Variants in HECTD2 observed in about 807,000 individuals in gnomAD.
The protein encoded by HECTD2 is probable E3 ubiquitin-protein ligase HECTD2.
HECTD2 carries 35 observed loss-of-function variants against 103.2 expected under a neutral mutation model. The observed-to-expected ratio is 0.34, with a 90% CI of 0.26 to 0.45. The LOEUF (loss-of-function observed/expected upper bound fraction) is 0.45. HECTD2 is among the 20% of genes least tolerant of loss of function. The pLI is 1.00. For synonymous variants in HECTD2, 281 were observed against 329.9 expected, an observed-to-expected ratio of 0.85 and a Z score of 1.61; for missense variants, 596 against 937.4, an observed-to-expected ratio of 0.64 and a Z score of 4.76.
chr10:91,421,973 CTAT>C (rs1843377142), intron 1 of HECTD2, among the ~76,000 whole-genome samples: 1 of 152,122 alleles, frequency 6.6e-6, no homozygotes, highest in African/African-American at 2.4e-5. Context: ...TCTTCATTCC[CTAT>C]TATTACTATC....
chr10:91,493,434 C>T lies in HECTD2; in HGVS notation c.1447C>T (p.His483Tyr). The T allele has an allele frequency of 1.3e-6, 2 of 1,530,064 alleles. No homozygotes were observed. The highest frequency in any genetic ancestry group is 1.8e-6 in the Non-Finnish European group (2 of 1,140,066). 94.8% of individuals were successfully genotyped at this position (1,530,064 alleles called of 1,614,324 possible). Residue 483 changes from histidine to tyrosine, a missense_variant, in exon 14 of 21, where the codon CAC becomes TAC. His to Tyr is a moderately conservative substitution (Grantham distance 83). This residue lies in a region of HECTD2 where 303 missense variants were observed against 522.5 expected (regional missense o/e 0.58). Coordinates refer to ENST00000298068, the MANE Select transcript of HECTD2 (RefSeq NM_182765.6). ...TGTTTTTTTAGGCATGTTTACATAT[C>T]ACAAGGATTCACACTGCCATTGGTT... ...FHPDYGMFTY[H>Y]KDSHCHWFSS...
At chr10:91,427,873 T>C (rs908623877) in intron 2 of HECTD2, among the ~76,000 whole-genome samples, 5 of 151,918 alleles carry the variant, frequency 3.3e-5, no homozygotes, top group African/African-American at 4.8e-5. Flanking sequence ...AGAAGCTCTT[T>C]AGTTTAATTA....
In HECTD2 at chr10:91,428,160, C is replaced by T. The variant is rs1372240996; in HGVS notation, c.268+2750C>T. Among the ~76,000 whole-genome samples, 4 of 151,414 alleles carry T rather than the reference C, an allele frequency of 2.6e-5. No homozygotes were observed. In the East Asian group the frequency reaches 5.8e-4, roughly 22 times the overall value. ...TCCTTTCCCCATTGCTTGTTTTTCTCAGGTTTGTCAAAGATCAGATAGTTG... is the reference window on the plus strand; with the variant it reads ...TCCTTTCCCCATTGCTTGTTTTTCTTAGGTTTGTCAAAGATCAGATAGTTG... On this transcript the variant is annotated intron_variant, in intron 2 of 20. Transcript: ENST00000298068.
intron 12 of HECTD2, among the ~76,000 whole-genome samples, chr10:91,491,681 A>G (rs1418643155): frequency 6.6e-6 from 1 of 152,172 alleles, no homozygotes; most frequent in Non-Finnish European, 1.5e-5. Context: ...CTCAGACTAC[A>G]CATCTATAAA....
At chr10:91,427,491 A>T (rs1163244269) in intron 2 of HECTD2, among the ~76,000 whole-genome samples, 3 of 152,014 alleles carry the variant, frequency 2.0e-5, no homozygotes, top group Non-Finnish European at 4.4e-5. Flanking sequence ...TTCCTGTCTC[A>T]CCACATCCTC....
At chr10:91,510,500 G>C (rs1463601484) in intron 20 of HECTD2, among the ~76,000 whole-genome samples, 1 of 152,084 alleles carries the variant, frequency 6.6e-6, no homozygotes, top group African/African-American at 2.4e-5. Context: ...GTAGAATATT[G>C]ATATTGTTTT....
chr10:91,415,231 T>TAC (rs60649813), intron 1 of HECTD2, among the ~76,000 whole-genome samples: 1 of 151,316 alleles, frequency 6.6e-6, no homozygotes, highest in Non-Finnish European at 1.5e-5. Flanking sequence ...TGTGTGTGTG[T>TAC]ACTTAACAAC....
chr10:91,484,346 G>A lies in HECTD2; in HGVS notation c.822-161G>A, dbSNP rs1455275222. On this transcript the variant is annotated intron_variant, in intron 8 of 20. Coordinates refer to ENST00000298068, the MANE Select transcript of HECTD2 (RefSeq NM_182765.6). ...TCATTTAACGAAGACAGTATTCAAG[G>A]TAAGATTTTGTATCTTTTCAAATGT... 2.1e-6 allele frequency: 3 copies of A among 1,396,936 alleles called. 1 individual carries two copies. The highest frequency in any genetic ancestry group is 1.8e-4 in the Middle Eastern group (1 of 5,654). 86.5% of individuals were successfully genotyped at this position (1,396,936 alleles called of 1,614,324 possible). A position where few individuals can be genotyped will look rare whatever the true frequency, so the allele number is the denominator to read the frequency against.
At chr10:91,467,910 G>C (rs1845588012) in intron 5 of HECTD2, among the ~76,000 whole-genome samples, 1 of 149,908 alleles carries the variant, frequency 6.7e-6, no homozygotes, top group Non-Finnish European at 1.5e-5. Flanking sequence ...CACTGTTGGT[G>C]CAAATGCATG....
At chr10:91,477,036 C>A (rs1383688394) in intron 5 of HECTD2, among the ~76,000 whole-genome samples, 1 of 152,046 alleles carries the variant, frequency 6.6e-6, no homozygotes, top group Admixed American at 6.5e-5. Context: ...AAAAAATTAG[C>A]CGGGCGCGGT....
At chr10:91,469,054 CAAAAAT>C (rs1193212807) in intron 5 of HECTD2, among the ~76,000 whole-genome samples, 1 of 150,812 alleles carries the variant, frequency 6.6e-6, no homozygotes, top group African/African-American at 2.4e-5. Context: ...CTCAGTCAGA[CAAAAAT>C]AAAAAATAAA....
intron 20 of HECTD2, among the ~76,000 whole-genome samples, chr10:91,505,759 C>G (rs1324884898): frequency 1.4e-5 from 2 of 145,748 alleles, no homozygotes. Context: ...AACTCAGCTC[C>G]ACACCAAGCA....
At chr10:91,413,030 G>T (rs1425411435) in intron 1 of HECTD2, among the ~76,000 whole-genome samples, 1 of 152,022 alleles carries the variant, frequency 6.6e-6, no homozygotes, top group Non-Finnish European at 1.5e-5. Flanking sequence ...TCCAGTGATT[G>T]TTCCTTTTTG....
At chr10:91,462,619 T>C in intron 5 of HECTD2, 2 of 1,031,226 alleles carry the variant, frequency 1.9e-6, no homozygotes, top group Non-Finnish European at 2.3e-6. Context: ...CCAGGATATG[T>C]TGATTTATGA....
At chr10:91,450,418 A>C (rs1844758199) in intron 2 of HECTD2, among the ~76,000 whole-genome samples, 1 of 152,206 alleles carries the variant, frequency 6.6e-6, no homozygotes, top group African/African-American at 2.4e-5. Context: ...ATACTGTGAA[A>C]ACTCTAGAAG....
At chr10:91,505,308 A>G (rs559207539) in intron 20 of HECTD2, among the ~76,000 whole-genome samples, 75 of 151,736 alleles carry the variant, frequency 4.9e-4, no homozygotes, top group South Asian at 2.7e-3. Flanking sequence ...AAATGCTCCA[A>G]TTAAAAGACA....
intron 2 of HECTD2, among the ~76,000 whole-genome samples, chr10:91,431,339 A>T (rs1486051982): frequency 6.6e-6 from 1 of 151,888 alleles, no homozygotes; most frequent in Non-Finnish European, 1.5e-5. Flanking sequence ...AAGTTTGGTG[A>T]ATCTGACAAT....
At position 91,487,455 on chromosome 10, in the gene HECTD2, A is replaced by T. The variant is rs1283416191; in HGVS notation, c.1095-227A>T. ...GGTTAGCACACATTCAGAACCTTTG[A>T]TGTAGCTTCTGCAGAGAATAAAGGC... On this transcript the variant is annotated intron_variant, in intron 10 of 20. Coordinates refer to ENST00000298068, the MANE Select transcript of HECTD2 (RefSeq NM_182765.6). The surrounding 1 kb of genome is among the most constrained non-coding windows in gnomAD (Gnocchi z 4.1). 1 of 523,794 alleles carries T rather than the reference A, an allele frequency of 1.9e-6. No homozygotes were observed. Among genetic ancestry groups the T allele is most frequent in the East Asian group, 3.6e-5 (1 of 27,430 alleles). The allele number at this position is 523,794 out of a possible 1,614,324, so 32.4% of individuals were successfully genotyped here. A position where few individuals can be genotyped will look rare whatever the true frequency, so the allele number is the denominator to read the frequency against.
At chr10:91,436,438 T>C (rs1443380989) in intron 2 of HECTD2, among the ~76,000 whole-genome samples, 1 of 151,978 alleles carries the variant, frequency 6.6e-6, no homozygotes, top group African/African-American at 2.4e-5. Context: ...ATTCTGTTTG[T>C]GGGGAGAAGG....
Sources: gnomAD v4.1 joint callset for allele counts (sites outside exome capture counted in the v4.1 genomes callset) on GRCh38, gnomAD v4.1.1 for gene constraint, gnomAD v4.1.1 regional missense constraint, Gnocchi (gnomAD v3.1) non-coding constraint, MANE v1.5 for transcripts, NCBI Gene and HGNC (gene_info 2026-07-23, HGNC 2026-07-21) for gene names.